TMEM177: variants seen among roughly 807,000 people sequenced by gnomAD.
The protein encoded by TMEM177 is transmembrane protein 177.
A neutral mutation model predicts 14.2 loss-of-function variants in TMEM177; 4 were observed. The observed-to-expected ratio is 0.28, with a 90% confidence interval of 0.14 to 0.64. The LOEUF is 0.64. TMEM177 is among the 30% of genes least tolerant of loss of function. The probability of loss-of-function intolerance (pLI) is 0.82; values close to 1 mark genes in which losing one functional copy is unlikely to be tolerated. For synonymous variants in TMEM177, 179 were observed against 174.5 expected, an observed-to-expected ratio of 1.03 and a Z score of -0.20; for missense variants, 344 against 405.2, an observed-to-expected ratio of 0.85 and a Z score of 1.30.
At chr2:119,707,513 C>T in the TMEM177 span, among the ~76,000 whole-genome samples, 1 of 152,206 alleles carries the variant, frequency 6.6e-6, no homozygotes, top group East Asian at 1.9e-4. Flanking sequence ...GACACAGAAA[C>T]GTTCTTGGTT....
At chr2:119,697,812 G>C in the TMEM177 span, among the ~76,000 whole-genome samples, 15 of 152,046 alleles carry the variant, frequency 9.9e-5, no homozygotes, top group Non-Finnish European at 1.6e-4. Context: ...GAAATGAACC[G>C]ATACTAGACA....
At chr2:119,708,843 CT>C in the TMEM177 span, among the ~76,000 whole-genome samples, 1 of 73,258 alleles carries the variant, frequency 1.4e-5, no homozygotes. Flanking sequence ...TGAGCCACAG[CT>C]TGGTATTGAC....
the TMEM177 span, among the ~76,000 whole-genome samples, chr2:119,721,659 CG>C: frequency 6.6e-6 from 1 of 152,044 alleles, no homozygotes; most frequent in South Asian, 2.1e-4. Context: ...CCACTAACGC[CG>C]GGTATTTGTA....
downstream of TMEM177, among the ~76,000 whole-genome samples, chr2:119,690,600 G>A (rs1574274745): frequency 1.3e-5 from 2 of 152,334 alleles, no homozygotes; most frequent in East Asian, 3.9e-4. Context: ...GAGGAGCAGA[G>A]CCCACGTGGA....
the TMEM177 span, among the ~76,000 whole-genome samples, chr2:119,706,786 A>C: frequency 6.6e-6 from 1 of 152,188 alleles, no homozygotes; most frequent in East Asian, 1.9e-4. Context: ...TTCTCCCAGC[A>C]TCTAACATTA....
At chr2:119,696,375 G>T in the TMEM177 span, among the ~76,000 whole-genome samples, 1 of 152,154 alleles carries the variant, frequency 6.6e-6, no homozygotes, top group African/African-American at 2.4e-5. Flanking sequence ...CGGACCTCAT[G>T]GTGACCACGG....
At chr2:119,709,741 C>T in the TMEM177 span, among the ~76,000 whole-genome samples, 15 of 152,142 alleles carry the variant, frequency 9.9e-5, no homozygotes, top group Non-Finnish European at 2.2e-4. Context: ...AGGAGAATGG[C>T]ATGAACCCAG....
the TMEM177 span, among the ~76,000 whole-genome samples, chr2:119,705,312 G>T: frequency 2.6e-5 from 4 of 152,180 alleles, no homozygotes; most frequent in Non-Finnish European, 4.4e-5. Flanking sequence ...TGCAATCAAA[G>T]GATCAGCTGG....
chr2:119,720,772 T>A, the TMEM177 span, among the ~76,000 whole-genome samples: 2 of 152,358 alleles, frequency 1.3e-5, no homozygotes, highest in South Asian at 2.1e-4. Flanking sequence ...GTTTAAGTTA[T>A]TTTTTGTTGG....
the TMEM177 span, among the ~76,000 whole-genome samples, chr2:119,692,456 GA>G: frequency 6.6e-6 from 1 of 152,220 alleles, no homozygotes; most frequent in Non-Finnish European, 1.5e-5. Flanking sequence ...GTCCCCAGGC[GA>G]ACAGCAGCTC....
At chr2:119,709,693 T>C in the TMEM177 span, among the ~76,000 whole-genome samples, 5 of 151,952 alleles carry the variant, frequency 3.3e-5, no homozygotes, top group East Asian at 3.9e-4. Flanking sequence ...GGTGTAGTGG[T>C]GGGCGCCTGT....
the TMEM177 span, among the ~76,000 whole-genome samples, chr2:119,723,338 A>G: frequency 6.6e-6 from 1 of 152,208 alleles, no homozygotes; most frequent in Non-Finnish European, 1.5e-5. Flanking sequence ...CATCCAAGGA[A>G]AAAGGCTTCT....
At chr2:119,716,270 C>T in the TMEM177 span, among the ~76,000 whole-genome samples, 1 of 152,176 alleles carries the variant, frequency 6.6e-6, no homozygotes, top group African/African-American at 2.4e-5. Context: ...GAGTGCTCAG[C>T]AATAGTGACA....
At chr2:119,717,118 G>T in the TMEM177 span, among the ~76,000 whole-genome samples, 36 of 152,280 alleles carry the variant, frequency 2.4e-4, no homozygotes, top group African/African-American at 6.7e-4. Flanking sequence ...TCAGGGGTGG[G>T]GCAGAGGCAA....
Position 119,681,030 on chromosome 2 carries a change from A to G in TMEM177, c.177A>G (p.Pro59=). The change falls in exon 2 of 2, where the codon CCA becomes CCG. Residue 59 remains proline, a synonymous_variant. Transcript: ENST00000272521. ...AGGGCCAGCCAGCTCCGCTCCCTCC[A>G]CAGCTGCAGAGCCTCTTCCAAGAGG... The part of the protein sequence containing the change: ...WPQGQPAPLP[P]QLQSLFQEVL... The G allele has an allele frequency of 6.2e-7, 1 of 1,614,074 alleles. No individual in the cohort carries two copies.
the TMEM177 span, among the ~76,000 whole-genome samples, chr2:119,702,925 G>T: frequency 6.6e-6 from 1 of 152,246 alleles, no homozygotes; most frequent in African/African-American, 2.4e-5. Flanking sequence ...TGGTACCAGA[G>T]CCTGGGTGCA....
the TMEM177 span, among the ~76,000 whole-genome samples, chr2:119,706,502 G>GCAA: frequency 1.3e-5 from 2 of 152,206 alleles, no homozygotes; most frequent in African/African-American, 4.8e-5. Context: ...CTGGGCCACA[G>GCAA]AGGTAATGCT....
chr2:119,693,593 C>T, the TMEM177 span, among the ~76,000 whole-genome samples: 7 of 152,102 alleles, frequency 4.6e-5, no homozygotes, highest in African/African-American at 7.2e-5. Flanking sequence ...TGAGCTGACC[C>T]GTGTGTGTCC....
At chr2:119,709,907 A>G in the TMEM177 span, among the ~76,000 whole-genome samples, 1 of 152,140 alleles carries the variant, frequency 6.6e-6, no homozygotes, top group Non-Finnish European at 1.5e-5. Flanking sequence ...GGGAAAGAAG[A>G]CCCAAAAGAA....
Sources: allele counts gnomAD v4.1 joint callset (sites outside exome capture counted in the v4.1 genomes callset), GRCh38; gene constraint gnomAD v4.1.1; transcripts MANE v1.5; gene names NCBI Gene and HGNC (gene_info 2026-07-23, HGNC 2026-07-21).